The following MTERF4 variants were observed in gnomAD, a reference collection of about 807,000 sequenced individuals.
MTERF4 encodes the protein mitochondrial transcription termination factor 4.
Under a neutral mutation model 22.5 loss-of-function variants are expected in MTERF4, and 17 were observed. The observed-to-expected ratio is 0.75, with a 90% CI of 0.52 to 1.13. The LOEUF (loss-of-function observed/expected upper bound fraction) is 1.13. Ranked by LOEUF, MTERF4 falls within the 50% of genes most tolerant of loss-of-function variation. MTERF4 has a pLI of 0.00. For missense variants in MTERF4, 420 were observed against 466.8 expected (o/e 0.90, Z 0.92); for synonymous variants, 165 against 175.3 (o/e 0.94, Z 0.47).
At chr2:241,069,791 C>T (rs1258601986), downstream of MTERF4, 5 of 1,087,896 alleles carry the variant, frequency 4.6e-6, no homozygotes, top group Non-Finnish European at 5.3e-6. The surrounding 1 kb of genome is among the most constrained non-coding windows in gnomAD (Gnocchi z 4.9). Flanking sequence ...CGGCACTGTA[C>T]CATTCTCCAT....
chr2:241,050,831 T>TG, the MTERF4 span, among the ~76,000 whole-genome samples: 3 of 150,834 alleles, frequency 2.0e-5, no homozygotes, highest in Admixed American at 1.3e-4. Context: ...GTACCCAAGG[T>TG]GGGGGTCCTA....
the MTERF4 span, chr2:241,050,044 G>T: frequency 2.5e-6 from 2 of 793,272 alleles, no homozygotes; most frequent in African/African-American, 3.4e-5. Flanking sequence ...TGCTGACCTC[G>T]TCTAGAGCCT....
the MTERF4 span, among the ~76,000 whole-genome samples, chr2:241,042,923 A>C: frequency 6.6e-6 from 1 of 151,976 alleles, no homozygotes; most frequent in Admixed American, 6.6e-5. Context: ...AGGATGGAGA[A>C]CAGTATCAAG....
chr2:241,088,450 T>TG (rs746792831), downstream of MTERF4: 7 of 1,522,836 alleles, frequency 4.6e-6, no homozygotes, highest in African/African-American at 2.7e-5. Flanking sequence ...TGCTGGGAAG[T>TG]GGGGGGCGAC....
the MTERF4 span, chr2:241,048,865 G>A: frequency 4.9e-6 from 6 of 1,221,386 alleles, no homozygotes; most frequent in East Asian, 2.5e-5. Context: ...CCAGACTGTC[G>A]ACCATTGGTT....
exon 5 of MTERF4, chr2:241,074,757 AGCT>A (rs936488206): frequency 3.9e-5 from 6 of 152,216 alleles, no homozygotes; most frequent in African/African-American, 1.2e-4. Context: ...CTCTCACGCT[AGCT>A]ACCTTTTATT....
downstream of MTERF4, chr2:241,071,721 G>A: frequency 6.9e-7 from 1 of 1,456,748 alleles, no homozygotes; most frequent in Non-Finnish European, 9.3e-7. Context: ...AGCCCCCCAG[G>A]TACATGCCCC....
In MTERF4 at chr2:241,100,715, G is replaced by A. The variant is rs529759609; in HGVS notation, c.22-821C>T. ...TTCTCTAGCTTACTTTAAGAATACA[G>A]AATGCAATATATATATATACAAGAT... On this transcript the variant is annotated intron_variant, in intron 1 of 3. Transcript: ENST00000391980. Among the ~76,000 whole-genome samples, 63 of 151,080 alleles carry A rather than the reference G, an allele frequency of 4.2e-4. 1 individual carries two copies. In the South Asian group the frequency reaches 0.013, roughly 32 times the overall value.
At chr2:241,101,284 T>C (rs2064694936) in intron 1 of MTERF4, 1 of 418,684 alleles carries the variant, frequency 2.4e-6, no homozygotes, top group Non-Finnish European at 5.1e-6. Context: ...GAGCGCAACC[T>C]GGACCCCTCA....
intron 4 of MTERF4, among the ~76,000 whole-genome samples, chr2:241,077,318 C>T (rs760427420): frequency 2.0e-5 from 3 of 152,146 alleles, no homozygotes; most frequent in Non-Finnish European, 2.9e-5. Flanking sequence ...AACCAAAACT[C>T]TTAGAAGAAA....
the MTERF4 span, chr2:241,050,078 G>A: frequency 4.2e-6 from 3 of 721,220 alleles, no homozygotes; most frequent in South Asian, 1.5e-5. Flanking sequence ...GCTCTGTTCT[G>A]TGTATTTAGA....
At chr2:241,090,001 G>T (rs1276212767), downstream of MTERF4, 1 of 1,549,350 alleles carries the variant, frequency 6.5e-7, no homozygotes, top group Admixed American at 2.0e-5. Flanking sequence ...GCTTAGCGTA[G>T]CTGGAATGCG....
the MTERF4 span, among the ~76,000 whole-genome samples, chr2:241,053,742 T>C: frequency 6.6e-6 from 1 of 152,112 alleles, no homozygotes; most frequent in Non-Finnish European, 1.5e-5. Flanking sequence ...CTGCAGGCAT[T>C]TGAGGAGTGC....
chr2:241,089,565 C>A (rs1048366678), downstream of MTERF4, among the ~76,000 whole-genome samples: 1 of 152,076 alleles, frequency 6.6e-6, no homozygotes, highest in Non-Finnish European at 1.5e-5. Flanking sequence ...TCTGCCTCTT[C>A]GGATGTGGAA....
At chr2:241,093,710 A>G (rs961287673), downstream of MTERF4, 2 of 152,306 alleles carry the variant, frequency 1.3e-5, no homozygotes, top group Non-Finnish European at 2.9e-5. Context: ...CACATTAAAT[A>G]TCAAGTAAAA....
chr2:241,094,360 G>A (rs575202111), downstream of MTERF4: 14 of 470,840 alleles, frequency 3.0e-5, no homozygotes, highest in Admixed American at 7.0e-5. The surrounding 1 kb of genome is among the most constrained non-coding windows in gnomAD (Gnocchi z 4.3). Context: ...CGATGTGGAC[G>A]GAGTCACCGA....
chr2:241,100,108 C>T, intron 1 of MTERF4: 1 of 552,800 alleles, frequency 1.8e-6, no homozygotes, highest in East Asian at 3.1e-5. Context: ...GGGAGTCAAG[C>T]AGGTACAATA....
At chr2:241,082,514 G>T (rs1335527440), downstream of MTERF4, 4 of 622,846 alleles carry the variant, frequency 6.4e-6, no homozygotes, top group Non-Finnish European at 1.2e-5. Context: ...TTCCCTCCAT[G>T]TCACAAATTA....
downstream of MTERF4, among the ~76,000 whole-genome samples, chr2:241,069,422 A>G (rs570273882): frequency 3.9e-5 from 6 of 152,052 alleles, 1 homozygote; most frequent in African/African-American, 1.4e-4. This position sits in a 1 kb window ranked among gnomAD's most constrained non-coding sequence, Gnocchi z 4.9. Flanking sequence ...TCCCCAGTGC[A>G]TGGGAGGGGT....
Sources: allele counts gnomAD v4.1 joint callset (sites outside exome capture counted in the v4.1 genomes callset), GRCh38; gene constraint gnomAD v4.1.1; non-coding constraint Gnocchi (gnomAD v3.1); transcripts MANE v1.5; gene names NCBI Gene and HGNC (gene_info 2026-07-23, HGNC 2026-07-21).